Variants in BCR observed in about 807,000 individuals in gnomAD.
The protein encoded by BCR is breakpoint cluster region protein.
Under a neutral mutation model 138.6 loss-of-function variants are expected in BCR, and 58 were observed. The ratio of observed to expected loss-of-function variants is 0.42; its 90% CI spans 0.34 to 0.52. The LOEUF is 0.52. Ranked by LOEUF, BCR falls within the 20% of genes least tolerant of loss-of-function variation. The pLI is 0.06. For missense variants in BCR, 1,599 were observed against 1,727.2 expected (o/e 0.93, Z 1.32); for synonymous variants, 786 against 730.1 (o/e 1.08, Z -1.23).
intron 1 of BCR, among the ~76,000 whole-genome samples, chr22:23,245,908 A>G (rs2073152252): frequency 6.6e-6 from 1 of 152,122 alleles, no homozygotes; most frequent in Middle Eastern, 3.4e-3. Flanking sequence ...TTGTGCAACC[A>G]CCATCTCCGT....
Position 23,268,532 on chromosome 22 carries a change from G to T in BCR, c.1860+17G>T. ...ATCTCCGAGGTAATGCCTTGATGCC[G>T]TTCAGACAGGTGCACCGCTGACTCC... On this transcript the variant is annotated intron_variant, in intron 5 of 22. Transcript: ENST00000305877. The T allele has an allele frequency of 6.3e-7, 1 of 1,597,820 alleles. No homozygotes were observed. The highest frequency in any genetic ancestry group is 8.6e-7 in the Non-Finnish European group (1 of 1,166,906).
intron 1 of BCR, among the ~76,000 whole-genome samples, chr22:23,236,330 G>A (rs12628872): frequency 1.3e-5 from 2 of 152,224 alleles, no homozygotes; most frequent in Admixed American, 6.5e-5. Context: ...TGACTGAGCA[G>A]CACAGGGCGC....
chr22:23,294,861 A>C (rs1335834866), intron 15 of BCR, among the ~76,000 whole-genome samples, 163 bp from the exon 16 acceptor site: 1 of 152,174 alleles, frequency 6.6e-6, no homozygotes. Flanking sequence ...GGTGCTTACA[A>C]GGAATACTTC....
At chr22:23,223,706 G>A (rs1353602449) in intron 1 of BCR, among the ~76,000 whole-genome samples, 1 of 152,136 alleles carries the variant, frequency 6.6e-6, no homozygotes, top group African/African-American at 2.4e-5. Flanking sequence ...GGGTCCAGGT[G>A]AGTCTCCCAC....
At chr22:23,211,407 C>G (rs1432988913) in intron 1 of BCR, among the ~76,000 whole-genome samples, 1 of 151,890 alleles carries the variant, frequency 6.6e-6, no homozygotes, top group Non-Finnish European at 1.5e-5. Context: ...ACTGTGTTAG[C>G]CAGGATGGTC....
intron 1 of BCR, among the ~76,000 whole-genome samples, chr22:23,189,718 T>G (rs1461980268): frequency 2.6e-5 from 4 of 152,204 alleles, no homozygotes; most frequent in South Asian, 4.1e-4. Context: ...GCCAGGCTGG[T>G]CTCAATCGTT....
At chr22:23,292,427 CT>C (rs1001439053) in intron 14 of BCR, 113 bp from the exon 15 acceptor site, 4,240 of 780,278 alleles carry the variant, frequency 5.4e-3, no homozygotes, top group East Asian at 7.4e-3. Context: ...AAGTTACAAC[CT>C]TTTTTTTTTA....
At chr22:23,265,267 A>G (rs1293214715) in intron 4 of BCR, among the ~76,000 whole-genome samples, 1 of 152,166 alleles carries the variant, frequency 6.6e-6, no homozygotes, top group Non-Finnish European at 1.5e-5. Flanking sequence ...TTGCAGTGGG[A>G]AGTTGTTCCC....
intron 1 of BCR, among the ~76,000 whole-genome samples, chr22:23,185,741 T>TG (rs1188591335): frequency 6.7e-6 from 1 of 148,620 alleles, no homozygotes; most frequent in Non-Finnish European, 1.5e-5. Context: ...TTGTTGTTGT[T>TG]TTTTTGAGGC....
chr22:23,269,722 T>C (rs1450729789), intron 5 of BCR, among the ~76,000 whole-genome samples: 2 of 152,180 alleles, frequency 1.3e-5, no homozygotes, highest in Admixed American at 1.3e-4. Flanking sequence ...TGTTCTCTTT[T>C]CCTTTTTCAT....
chr22:23,284,598 C>A (rs1044623932), intron 9 of BCR, among the ~76,000 whole-genome samples: 3 of 152,228 alleles, frequency 2.0e-5, no homozygotes, highest in Non-Finnish European at 4.4e-5. Context: ...CGTTGCCCTG[C>A]TGAGTGGGTT....
chr22:23,250,086 G>A (rs2073207116), intron 1 of BCR, among the ~76,000 whole-genome samples: 1 of 152,198 alleles, frequency 6.6e-6, no homozygotes, highest in South Asian at 2.1e-4. Flanking sequence ...CTTGCACCAG[G>A]TTTTAGCGTG....
In BCR at chr22:23,315,454, C is replaced by T. The variant is rs749943653; in HGVS notation, c.3748C>T (p.Leu1250=). ...GCAGGTCCAGGTGCTGCTGTACTTC[C>T]TGCAGCTGGAGGCCATCCCTGCCCC... ...MSQVQVLLYF[L]QLEAIPAPDS... is the part of the protein sequence containing the mutation. Residue 1250 remains leucine (L), a synonymous_variant, in exon 23 of 23, where the codon CTG becomes TTG. Transcript: ENST00000305877. 6.2e-5 allele frequency: 100 copies of T among 1,613,354 alleles called. No homozygotes were observed. Among genetic ancestry groups the T allele is most frequent in the Non-Finnish European group, 7.2e-5 (85 of 1,179,952 alleles).
At chr22:23,195,648 A>G (rs2072470677) in intron 1 of BCR, among the ~76,000 whole-genome samples, 1 of 152,178 alleles carries the variant, frequency 6.6e-6, no homozygotes, top group African/African-American at 2.4e-5. Context: ...GCACTTTGGG[A>G]GGCCGAGGTG....
rs763978996 is a variant in BCR at position 23,290,323 on chromosome 22, T to A, written c.2708-16T>A. ...CCCGGGACAACAGAAGCTGACCTCTTTGATCTCTTGCGCAGATGATGAGTC... is the reference window on the plus strand; with the variant it reads ...CCCGGGACAACAGAAGCTGACCTCTATGATCTCTTGCGCAGATGATGAGTC... On this transcript the variant is annotated splice_polypyrimidine_tract_variant and intron_variant, in intron 13 of 22. Coordinates refer to ENST00000305877, the MANE Select transcript of BCR (RefSeq NM_004327.4). 2 of 1,612,446 alleles carry A rather than the reference T, an allele frequency of 1.2e-6. No individual in the cohort carries two copies. Among genetic ancestry groups the A allele is most frequent in the South Asian group, 2.2e-5 (2 of 91,048 alleles).
intron 1 of BCR, among the ~76,000 whole-genome samples, chr22:23,247,674 C>T (rs2073171614): frequency 6.6e-6 from 1 of 152,186 alleles, no homozygotes. Context: ...GAGAGCCTCT[C>T]CTGCCTGGCT....
intron 16 of BCR, among the ~76,000 whole-genome samples, chr22:23,309,221 G>A (rs2073981768): frequency 6.6e-6 from 1 of 152,216 alleles, no homozygotes; most frequent in Admixed American, 6.5e-5. Flanking sequence ...GCAGGGCTCT[G>A]GGAGCAGTGG....
chr22:23,211,112 G>A (rs111737954), intron 1 of BCR, among the ~76,000 whole-genome samples: 10,214 of 151,982 alleles, frequency 0.067, 1,141 homozygotes, highest in African/African-American at 0.23. Context: ...TTCTGCCTCT[G>A]TGGATTTGTC....
chr22:23,198,996 C>T (rs140165832), intron 1 of BCR, among the ~76,000 whole-genome samples: 28 of 152,184 alleles, frequency 1.8e-4, no homozygotes, highest in Admixed American at 4.6e-4. Flanking sequence ...GGGGTGCACA[C>T]CTGTGATCCC....
Sources: allele counts gnomAD v4.1 joint callset (sites outside exome capture counted in the v4.1 genomes callset), GRCh38; gene constraint gnomAD v4.1.1; transcripts MANE v1.5; gene names NCBI Gene and HGNC (gene_info 2026-07-23, HGNC 2026-07-21).